The following PRCP variants were observed in gnomAD, a reference collection of about 807,000 sequenced individuals.
PRCP encodes lysosomal Pro-X carboxypeptidase.
Under a neutral mutation model 54.2 loss-of-function variants are expected in PRCP, and 46 were observed. The observed-to-expected ratio is 0.85, with a 90% CI of 0.67 to 1.09. The LOEUF is 1.09. PRCP is among the 50% of genes least tolerant of loss of function. The pLI is 0.00. For synonymous variants in PRCP, 240 were observed against 212.2 expected (o/e 1.13, Z -1.14); for missense variants, 613 against 596.8 (o/e 1.03, Z -0.28).
In PRCP at chr11:82,825,001, C is replaced by T; in HGVS notation, c.1396G>A (p.Asp466Asn). 1 of 1,614,116 alleles carries T rather than the reference C, an allele frequency of 6.2e-7. No homozygotes were observed. The highest frequency in any genetic ancestry group is 1.7e-5 in the Admixed American group (1 of 60,020). The change falls in exon 9 of 9, where the codon GAT (aspartate) becomes AAT (asparagine). Residue 466 changes from aspartate to asparagine, a missense_variant. Physicochemically the swap from Asp to Asn is conservative, Grantham distance 23. Transcript: ENST00000313010. ...HLDLRTKNAL[D>N]PMSVLLARSL... ...CGGGCTAACAGCACAGACATAGGAT[C>T]CAAGGCATTCTTGGTGCGGAGATCT...
At chr11:82,866,836 C>T (rs111349584) in intron 1 of PRCP, among the ~76,000 whole-genome samples, 1 of 152,086 alleles carries the variant, frequency 6.6e-6, no homozygotes, top group Admixed American at 6.5e-5. Flanking sequence ...ATTCTCCTGC[C>T]TCAGCCTCCC....
rs1487390674 is a variant in PRCP, at chr11:82,900,367, A to G, written c.36T>C (p.Ser12=). 5.6e-6 allele frequency: 9 copies of G among 1,613,972 alleles called. No individual in the cohort carries two copies. Among genetic ancestry groups the G allele is most frequent in the Non-Finnish European group, 7.6e-6 (9 of 1,179,894 alleles). ...GRRALLLLLL[S]FLAPWATIAL... ...CTATGGTGGCCCAGGGCGCCAGAAA[A>G]GACAGAAGCAGGAGCAGGAGGGCTC... The change falls in exon 1 of 9, where the codon TCT becomes TCC. Residue 12 remains serine (S), a synonymous_variant. Coordinates refer to ENST00000313010, the MANE Select transcript of PRCP (RefSeq NM_005040.4).
intron 3 of PRCP, among the ~76,000 whole-genome samples, chr11:82,852,173 C>T (rs1858974393): frequency 6.6e-6 from 1 of 152,156 alleles, no homozygotes; most frequent in South Asian, 2.1e-4. Context: ...GATATTTACG[C>T]AAAATACCAA....
At chr11:82,857,007 C>T (rs1462592094) in intron 2 of PRCP, among the ~76,000 whole-genome samples, 1 of 142,910 alleles carries the variant, frequency 7.0e-6, no homozygotes, top group African/African-American at 2.7e-5. Context: ...TGCACTCCAG[C>T]CTGGGCGACA....
At chr11:82,834,641 A>T (rs1382341627) in intron 8 of PRCP, among the ~76,000 whole-genome samples, 1 of 152,216 alleles carries the variant, frequency 6.6e-6, no homozygotes, top group Non-Finnish European at 1.5e-5. Context: ...CAGCAAACTA[A>T]TGCAGGAACA....
chr11:82,839,368 T>C lies in PRCP; in HGVS notation c.979A>G (p.Ile327Val), dbSNP rs1366871423. 3 of 1,613,810 alleles carry C rather than the reference T, an allele frequency of 1.9e-6. No homozygotes were observed. The East Asian group carries it at 6.7e-5, about 36-fold the overall frequency. ...TAATATACATTCAGAGCTTGGAAAA[T>C]ATTCTGCAGCAGCAGTGAATCAGAT... is the stretch of plus-strand genomic sequence containing the variant. Reference protein sequence around the residue: ...NVSDSLLLQNIFQALNVYYNY... With the variant: ...NVSDSLLLQNVFQALNVYYNY... Residue 327 changes from isoleucine to valine, a missense_variant, in exon 7 of 9, where the codon ATT becomes GTT. By Grantham distance (29) the Ile-to-Val change is conservative. Transcript: ENST00000313010.
At chr11:82,893,701 G>A (rs1860054265) in intron 1 of PRCP, among the ~76,000 whole-genome samples, 3 of 152,288 alleles carry the variant, frequency 2.0e-5, no homozygotes, top group Admixed American at 2.0e-4. Flanking sequence ...GCTGAGGTGG[G>A]AGGATCACTT....
At chr11:82,882,562 C>A (rs977491248) in intron 1 of PRCP, among the ~76,000 whole-genome samples, 1 of 145,172 alleles carries the variant, frequency 6.9e-6, no homozygotes, top group South Asian at 2.2e-4. Flanking sequence ...GTGGCGCAAT[C>A]TCGGCTCACT....
At chr11:82,873,081 A>ATTT (rs771676381) in intron 1 of PRCP, among the ~76,000 whole-genome samples, 1,801 of 127,792 alleles carry the variant, frequency 0.014, 33 homozygotes, top group African/African-American at 0.048. Context: ...TTTTTTTTTA[A>ATTT]AAAAAAAGAA....
rs777326894 is a variant in PRCP at position 82,850,397 on chromosome 11, T to A, written c.520A>T (p.Ile174Phe). Residue 174 changes from isoleucine (I) to phenylalanine (F), a missense_variant, in exon 4 of 9, where the codon ATT becomes TTT. Physicochemically the swap from Ile to Phe is conservative, Grantham distance 21. Coordinates refer to ENST00000313010, the MANE Select transcript of PRCP (RefSeq NM_005040.4). ...CCACCATAGGAGCCTCCTATGGCAA[T>A]GACAGGTTGATTTTCAGCTCCTGGG... ...TIPGAENQPV[I>F]AIGGSYGGML... The A allele has an allele frequency of 3.7e-6, 6 of 1,605,304 alleles. No individual in the cohort carries two copies. Among genetic ancestry groups the A allele is most frequent in the Non-Finnish European group, 5.1e-6 (6 of 1,175,322 alleles).
intron 1 of PRCP, chr11:82,884,988 G>A: frequency 6.8e-7 from 1 of 1,468,788 alleles, no homozygotes; most frequent in Non-Finnish European, 9.0e-7. Flanking sequence ...GCTCAATATT[G>A]TCATGTGAAA....
chr11:82,848,034 T>G (rs1471891217), intron 6 of PRCP, among the ~76,000 whole-genome samples: 1 of 152,224 alleles, frequency 6.6e-6, no homozygotes, highest in Non-Finnish European at 1.5e-5. Context: ...ACTTTTTAAA[T>G]GAAGAAAAAT....
chr11:82,880,585 A>G (rs1859724024), intron 1 of PRCP, among the ~76,000 whole-genome samples: 1 of 152,156 alleles, frequency 6.6e-6, no homozygotes, highest in Non-Finnish European at 1.5e-5. Flanking sequence ...AAATGCAGAA[A>G]TCACCCATCT....
At chr11:82,828,248 CTA>C (rs1168727200) in intron 8 of PRCP, 1 of 152,196 alleles carries the variant, frequency 6.6e-6, no homozygotes, top group Non-Finnish European at 1.5e-5. Context: ...TAATTTTACA[CTA>C]TGTTGCATTT....
chr11:82,897,631 G>C (rs779693453), intron 1 of PRCP, among the ~76,000 whole-genome samples: 44 of 152,342 alleles, frequency 2.9e-4, no homozygotes, highest in South Asian at 4.1e-4. Context: ...AAAGTCACTT[G>C]AGTCTGTTAG....
chr11:82,856,126 T>C lies in PRCP; in HGVS notation c.310-2848A>G, dbSNP rs564601987. ...TTTGAGACCAGCCTGGGCAACATAGTGAAACCCTTTTCTCTACAAAAAATA... is the reference window on the plus strand; with the variant it reads ...TTTGAGACCAGCCTGGGCAACATAGCGAAACCCTTTTCTCTACAAAAAATA... On this transcript the variant is annotated intron_variant, in intron 2 of 8. Coordinates refer to ENST00000313010, the MANE Select transcript of PRCP (RefSeq NM_005040.4). Among the ~76,000 whole-genome samples, 116 of 152,062 alleles carry C rather than the reference T, an allele frequency of 7.6e-4. 1 individual carries two copies. Among genetic ancestry groups the C allele is most frequent in the Non-Finnish European group, 1.5e-3 (101 of 68,018 alleles).
chr11:82,833,937 G>A lies in PRCP; in HGVS notation c.1274+4450C>T, dbSNP rs143483252. Among the ~76,000 whole-genome samples, 204 of 152,080 alleles carry A rather than the reference G, an allele frequency of 1.3e-3. 4 individuals carry two copies. The highest frequency in any genetic ancestry group is 4.6e-3 in the African/African-American group (190 of 41,482). ...CCCACTTACTTTTCTCACAAAATATGCCCCCTTCTCCAATGATGATGATAA... is the reference window on the plus strand; with the variant it reads ...CCCACTTACTTTTCTCACAAAATATACCCCCTTCTCCAATGATGATGATAA... On this transcript the variant is annotated intron_variant, in intron 8 of 8. Coordinates refer to ENST00000313010, the MANE Select transcript of PRCP (RefSeq NM_005040.4).
rs549278679 is a variant in PRCP at position 82,831,721 on chromosome 11, CT to C, written c.1275-6600del. 6.8e-3 allele frequency among the ~76,000 whole-genome samples: 1,005 copies of C among 146,906 alleles called. 11 individuals carry two copies. The highest frequency in any genetic ancestry group is 0.023 in the African/African-American group (924 of 40,230). ...TTCCACAGGGCTCCTTGGACACTTT[CT>C]TTTTTTTTTTAATTATACTTTAAGT... On this transcript the variant is annotated intron_variant, in intron 8 of 8. Coordinates refer to ENST00000313010, the MANE Select transcript of PRCP (RefSeq NM_005040.4).
chr11:82,847,874 A>C (rs899346003), intron 6 of PRCP, among the ~76,000 whole-genome samples: 6 of 152,284 alleles, frequency 3.9e-5, no homozygotes, highest in Non-Finnish European at 8.8e-5. Flanking sequence ...GATTACAGGG[A>C]TGAGCGACCA....
Sources: gnomAD v4.1 joint callset for allele counts (sites outside exome capture counted in the v4.1 genomes callset) on GRCh38, gnomAD v4.1.1 for gene constraint, MANE v1.5 for transcripts, NCBI Gene and HGNC (gene_info 2026-07-23, HGNC 2026-07-21) for gene names.